The following SNX31 variants were observed in gnomAD, a reference collection of about 807,000 sequenced individuals.
SNX31 encodes sorting nexin 31.
SNX31 carries 58 observed loss-of-function variants against 65.4 expected under a neutral mutation model. That is an observed-to-expected ratio of 0.89 (90% CI 0.72 to 1.10). The LOEUF (loss-of-function observed/expected upper bound fraction) is 1.10, where lower values mean the gene tolerates loss of function less well. Among genes scored for constraint, SNX31 ranks in the 50% least tolerant of loss-of-function variants. The pLI is 0.00. For synonymous variants in SNX31, 181 were observed against 190.1 expected (o/e 0.95, Z 0.39); for missense variants, 523 against 529.7 (o/e 0.99, Z 0.12).
At position 100,614,890 on chromosome 8, in the gene SNX31, C is replaced by T. The variant is rs1817034542; in HGVS notation, c.433-1805G>A. Among the ~76,000 whole-genome samples the T allele has an allele frequency of 6.6e-6, 1 of 152,006 alleles. No individual in the cohort carries two copies. Among genetic ancestry groups the T allele is most frequent in the Non-Finnish European group, 1.5e-5 (1 of 67,998 alleles). Reference sequence around the variant, plus strand: ...GTGAAACTCCATTTCAAAACAACAACCAAAAAAGAGACCATTGAAAAGTAA... The same window carrying T: ...GTGAAACTCCATTTCAAAACAACAATCAAAAAAGAGACCATTGAAAAGTAA... On this transcript the variant is annotated intron_variant, in intron 5 of 13. Coordinates refer to ENST00000311812, the MANE Select transcript of SNX31 (RefSeq NM_152628.4). This position sits in a 1 kb window ranked among gnomAD's most constrained non-coding sequence, Gnocchi z 5.1.
upstream of SNX31, among the ~76,000 whole-genome samples, chr8:100,652,459 C>T (rs1036629413): frequency 4.6e-5 from 7 of 152,152 alleles, no homozygotes; most frequent in Non-Finnish European, 1.0e-4. Flanking sequence ...TTCTTATGAG[C>T]CAGGCGCTGC....
At chr8:100,620,789 A>T (rs1817626572) in intron 4 of SNX31, among the ~76,000 whole-genome samples, 1 of 152,152 alleles carries the variant, frequency 6.6e-6, no homozygotes, top group Non-Finnish European at 1.5e-5. Context: ...GATGAAGTAC[A>T]GGTTCACAAA....
At chr8:100,582,614 GTCAAGTAAAGA>G (rs1414603224) in intron 12 of SNX31, 1 of 152,120 alleles carries the variant, frequency 6.6e-6, no homozygotes, top group African/African-American at 2.4e-5. Flanking sequence ...AAGCTGGAAA[GTCAAGTAAAGA>G]TCAATGTTAA....
intron 4 of SNX31, among the ~76,000 whole-genome samples, chr8:100,624,550 G>A (rs985577658): frequency 6.6e-6 from 1 of 152,122 alleles, no homozygotes; most frequent in Non-Finnish European, 1.5e-5. Context: ...TAATAAAGAG[G>A]AGAATTGATG....
At chr8:100,615,105 T>C (rs1394883014) in intron 5 of SNX31, among the ~76,000 whole-genome samples, 1 of 152,244 alleles carries the variant, frequency 6.6e-6, no homozygotes, top group Admixed American at 6.5e-5. Context: ...TCACCTGTTA[T>C]GGAAACTACC....
rs1348437565 is a variant in SNX31 at position 100,622,189 on chromosome 8, G to A, written c.322-4459C>T. Among the ~76,000 whole-genome samples the A allele has an allele frequency of 2.0e-5, 3 of 152,076 alleles. No individual in the cohort carries two copies. The East Asian group carries it at 5.8e-4, about 29-fold the overall frequency. On this transcript the variant is annotated intron_variant, in intron 4 of 13. Transcript: ENST00000311812. This position sits in a 1 kb window ranked among gnomAD's most constrained non-coding sequence, Gnocchi z 5.0. ...TTTTTTCACGCTTAATTAGTTTAAA[G>A]CCAGGTTAGATGGCTGCCTAGAAGA...
chr8:100,621,880 C>T (rs1389015724), intron 4 of SNX31, among the ~76,000 whole-genome samples: 1 of 152,288 alleles, frequency 6.6e-6, no homozygotes, highest in Non-Finnish European at 1.5e-5. Context: ...CTCACTCCCT[C>T]GGAAGAAGGA....
intron 10 of SNX31, among the ~76,000 whole-genome samples, chr8:100,590,057 C>T (rs1333943451): frequency 1.3e-5 from 2 of 152,158 alleles, no homozygotes. Context: ...CCTCTGCATC[C>T]GTTTTTCCTT....
chr8:100,584,677 C>A (rs1224054765), intron 11 of SNX31, among the ~76,000 whole-genome samples: 1 of 151,014 alleles, frequency 6.6e-6, no homozygotes, highest in East Asian at 1.9e-4. Context: ...CACCTTATTG[C>A]TTTTACTAAA....
chr8:100,608,574 C>G lies in SNX31; in HGVS notation c.612-11G>C. 1 of 1,613,558 alleles carries G rather than the reference C, an allele frequency of 6.2e-7. No individual in the cohort carries two copies. Among genetic ancestry groups the G allele is most frequent in the Non-Finnish European group, 8.5e-7 (1 of 1,179,618 alleles). On this transcript the variant is annotated splice_polypyrimidine_tract_variant and intron_variant, in intron 7 of 13. Coordinates refer to ENST00000311812, the MANE Select transcript of SNX31 (RefSeq NM_152628.4). ...GATGGAGCCATATACCTGCAAAATT[C>G]AGGAGTGTGAAATTCATTCCTGTGA...
intron 8 of SNX31, among the ~76,000 whole-genome samples, chr8:100,606,751 T>A (rs1221898518): frequency 6.6e-6 from 1 of 152,234 alleles, no homozygotes. Flanking sequence ...GTTGTTAAAT[T>A]TCTTTAGCTA....
In SNX31 at chr8:100,576,590, A is replaced by G. The variant is rs1295030807; in HGVS notation, c.1227+429T>C. ...GTGCTCAAAAATGTCATTGATTGTG[A>G]TTTTTTCTATTATTATCTGCACAGC... On this transcript the variant is annotated intron_variant, in intron 13 of 13. Transcript: ENST00000311812. The surrounding 1 kb of genome is among the most constrained non-coding windows in gnomAD (Gnocchi z 4.8). Among the ~76,000 whole-genome samples the G allele has an allele frequency of 1.3e-5, 2 of 152,176 alleles. No homozygotes were observed. Among genetic ancestry groups the G allele is most frequent in the Admixed American group, 1.3e-4 (2 of 15,268 alleles).
At position 100,630,423 on chromosome 8, in the gene SNX31, A is replaced by T. The variant is rs140642687; in HGVS notation, c.257-32T>A. 2.5e-4 allele frequency: 401 copies of T among 1,604,204 alleles called. 1 individual carries two copies. In the African/African-American group the frequency reaches 4.5e-3, roughly 18 times the overall value. ...AACATGGACGGTGAGCCAGGTTAGC[A>T]TGGGCTGGGCTGGGCCCTGCCTATT... On this transcript the variant is annotated intron_variant, in intron 3 of 13. Coordinates refer to ENST00000311812, the MANE Select transcript of SNX31 (RefSeq NM_152628.4). The surrounding 1 kb of genome is among the most constrained non-coding windows in gnomAD (Gnocchi z 5.3).
In SNX31 at chr8:100,617,630, C is replaced by A. The variant is rs772474392; in HGVS notation, c.422G>T (p.Arg141Ile). The change falls in exon 5 of 14, where the codon AGA becomes ATA. Residue 141 changes from arginine to isoleucine, a missense_variant. By Grantham distance (97) the Arg-to-Ile change is moderately conservative. Transcript: ENST00000311812. The stretch of plus-strand genomic sequence containing the variant: ...TTAAACAAAGCTTACCTCTAGGACT[C>A]TTTCAGCAGTGTCTGATGTTATAAT... ...IEIITSDTAERVLEVVSHKIG... is the reference protein window; with the variant it reads ...IEIITSDTAEIVLEVVSHKIG... 2 of 1,607,966 alleles carry A rather than the reference C, an allele frequency of 1.2e-6. No homozygotes were observed. Among genetic ancestry groups the A allele is most frequent in the Admixed American group, 3.3e-5 (2 of 59,932 alleles).
At chr8:100,617,875 C>T (rs778591726) in intron 4 of SNX31, 145 bp from the exon 5 acceptor site, 4 of 715,692 alleles carry the variant, frequency 5.6e-6, no homozygotes, top group Non-Finnish European at 6.6e-6. Flanking sequence ...AGTGATTCTC[C>T]TTCCTCAGCC....
chr8:100,578,646 A>T lies in SNX31; in HGVS notation c.1171-1571T>A, dbSNP rs1813238761. Among the ~76,000 whole-genome samples the T allele has an allele frequency of 6.6e-6, 1 of 152,066 alleles. No individual in the cohort carries two copies. The highest frequency in any genetic ancestry group is 2.4e-5 in the African/African-American group (1 of 41,438). On this transcript the variant is annotated intron_variant, in intron 12 of 13. Coordinates refer to ENST00000311812, the MANE Select transcript of SNX31 (RefSeq NM_152628.4). The surrounding 1 kb of genome is among the most constrained non-coding windows in gnomAD (Gnocchi z 4.7). ...AGACTTCCTTTAGGTTAGTATTCTT[A>T]ATGGAAATGTTCACATATTTAAGCC...
chr8:100,613,309 C>T lies in SNX31; in HGVS notation c.433-224G>A, dbSNP rs1282805689. ...TAAAGAAAATAAAAATCAGCCCCAC[C>T]ACAATGGACAGAGGCTGGCCCCAAG... On this transcript the variant is annotated intron_variant, in intron 5 of 13. Coordinates refer to ENST00000311812, the MANE Select transcript of SNX31 (RefSeq NM_152628.4). The surrounding 1 kb of genome is among the most constrained non-coding windows in gnomAD (Gnocchi z 5.2). Among the ~76,000 whole-genome samples, 1 of 152,116 alleles carries T rather than the reference C, an allele frequency of 6.6e-6. No homozygotes were observed. Among genetic ancestry groups the T allele is most frequent in the South Asian group, 2.1e-4 (1 of 4,824 alleles).
intron 3 of SNX31, among the ~76,000 whole-genome samples, chr8:100,635,570 A>G (rs1030658854): frequency 3.3e-5 from 5 of 149,664 alleles, no homozygotes; most frequent in African/African-American, 1.0e-4. Context: ...AAAAAAAAAA[A>G]GGTATTTTTA....
In SNX31 at chr8:100,613,034, G is replaced by A. The variant is rs1453562161; in HGVS notation, c.484C>T (p.Leu162Phe). The A allele has an allele frequency of 1.9e-6, 3 of 1,614,066 alleles. No homozygotes were observed. The highest frequency in any genetic ancestry group is 2.5e-6 in the Non-Finnish European group (3 of 1,180,012). Residue 162 changes from leucine to phenylalanine, a missense_variant, in exon 6 of 14, where the codon CTC (leucine) becomes TTC (phenylalanine). Physicochemically the swap from Leu to Phe is conservative, Grantham distance 22. Transcript: ENST00000311812. The surrounding 1 kb of genome is among the most constrained non-coding windows in gnomAD (Gnocchi z 5.2). ...TCCTTGCCAAACCGAATGAGAAAGA[G>A]GCCGAAGTAGCCCAAGAGCTCTCGA... ...LCRELLGYFG[L>F]FLIRFGKEGK...
Sources: gnomAD v4.1 joint callset for allele counts (sites outside exome capture counted in the v4.1 genomes callset) on GRCh38, gnomAD v4.1.1 for gene constraint, Gnocchi (gnomAD v3.1) non-coding constraint, MANE v1.5 for transcripts, NCBI Gene and HGNC (gene_info 2026-07-23, HGNC 2026-07-21) for gene names.